Variants in HECW1 observed in about 807,000 individuals in gnomAD.
HECW1 encodes E3 ubiquitin-protein ligase HECW1.
A neutral mutation model predicts 182.3 loss-of-function variants in HECW1; 61 were observed. The ratio of observed to expected loss-of-function variants is 0.33; its 90% CI spans 0.27 to 0.41. HECW1 has a LOEUF of 0.41. Ranked by LOEUF, HECW1 falls within the 10% of genes least tolerant of loss-of-function variation. The probability of loss-of-function intolerance (pLI) is 1.00; values close to 1 mark genes in which losing one functional copy is unlikely to be tolerated. For missense variants in HECW1, 1,739 were observed against 2,108.9 expected (o/e 0.82, Z 3.44); for synonymous variants, 859 against 832.6 (o/e 1.03, Z -0.55).
intron 2 of HECW1, among the ~76,000 whole-genome samples, chr7:43,167,820 T>C (rs1259019563): frequency 6.6e-6 from 1 of 152,176 alleles, no homozygotes; most frequent in African/African-American, 2.4e-5. Context: ...ACAGTACTAT[T>C]ATGATCACTC....
intron 6 of HECW1, among the ~76,000 whole-genome samples, chr7:43,362,474 G>A (rs527681195): frequency 2.6e-5 from 4 of 152,296 alleles, no homozygotes; most frequent in South Asian, 2.1e-4. Flanking sequence ...AGATTGGAAC[G>A]TGATTCCTGT....
intron 7 of HECW1, among the ~76,000 whole-genome samples, chr7:43,397,508 G>GA (rs2075269966): frequency 6.6e-6 from 1 of 152,230 alleles, no homozygotes; most frequent in African/African-American, 2.4e-5. Context: ...AGTACGAAAA[G>GA]AGAGTCAGCA....
chr7:43,202,504 C>T (rs1795096075), intron 2 of HECW1, among the ~76,000 whole-genome samples: 2 of 149,010 alleles, frequency 1.3e-5, no homozygotes, highest in South Asian at 4.2e-4. Context: ...AACAGAATCT[C>T]ACTCTATCCC....
intron 16 of HECW1, among the ~76,000 whole-genome samples, chr7:43,477,828 T>C (rs964696228): frequency 6.6e-6 from 1 of 152,202 alleles, no homozygotes; most frequent in African/African-American, 2.4e-5. Context: ...GCTCATACCT[T>C]CCAAGAATAA....
chr7:43,330,328 C>A (rs937582142), intron 5 of HECW1, among the ~76,000 whole-genome samples: 2 of 152,188 alleles, frequency 1.3e-5, no homozygotes, highest in Non-Finnish European at 2.9e-5. Flanking sequence ...GCTGGCAGGC[C>A]CAGAGTTTCC....
intron 5 of HECW1, among the ~76,000 whole-genome samples, chr7:43,336,457 C>G (rs534126702): frequency 6.6e-6 from 1 of 152,020 alleles, no homozygotes. Context: ...TGTGAGCCAC[C>G]ACTCCCAGCC....
Position 43,445,410 on chromosome 7 carries a change from C to T in HECW1, c.2238C>T (p.Phe746=), listed in dbSNP as rs765972904. Residue 746 remains phenylalanine, a synonymous_variant, in exon 11 of 30, where the codon TTC becomes TTT. Transcript: ENST00000395891. ...QDDEEEENSA[F]ESVPDSMQSP... is the part of the protein sequence containing the mutation. ...ACGAGGAGGAGGAGAACAGCGCGTTCGAGTCGGTACCCGACTCCATGCAGA... is the reference window on the plus strand; with the variant it reads ...ACGAGGAGGAGGAGAACAGCGCGTTTGAGTCGGTACCCGACTCCATGCAGA... 6 of 1,613,486 alleles carry T rather than the reference C, an allele frequency of 3.7e-6. No individual in the cohort carries two copies. The highest frequency in any genetic ancestry group is 3.3e-5 in the South Asian group (3 of 91,076).
chr7:43,145,045 A>G (rs768757789), intron 2 of HECW1, among the ~76,000 whole-genome samples: 23 of 152,318 alleles, frequency 1.5e-4, no homozygotes, highest in Non-Finnish European at 2.9e-4. Context: ...CTTTAAATAT[A>G]TGAGCTATAC....
intron 5 of HECW1, among the ~76,000 whole-genome samples, chr7:43,332,699 T>G (rs1811651213): frequency 6.6e-6 from 1 of 152,164 alleles, no homozygotes; most frequent in East Asian, 1.9e-4. Flanking sequence ...GTACATGGGC[T>G]GCAAGGTCCG....
chr7:43,369,462 C>CA (rs1039486311), intron 6 of HECW1, among the ~76,000 whole-genome samples: 45 of 151,096 alleles, frequency 3.0e-4, no homozygotes, highest in African/African-American at 9.2e-4. Context: ...AACTCCGTCT[C>CA]AAAAAAAATA....
chr7:43,336,141 TCTTTC>T (rs1812205219), intron 5 of HECW1, among the ~76,000 whole-genome samples: 2 of 64,582 alleles, frequency 3.1e-5, no homozygotes, highest in Non-Finnish European at 5.8e-5. Context: ...TCTCTCTCTC[TCTTTC>T]TCTCTCTCTC....
chr7:43,266,511 T>A (rs548098004), intron 3 of HECW1, among the ~76,000 whole-genome samples: 25 of 152,232 alleles, frequency 1.6e-4, no homozygotes, highest in African/African-American at 6.0e-4. Context: ...ATTTTTTGTA[T>A]TTTTAATAGA....
intron 16 of HECW1, among the ~76,000 whole-genome samples, chr7:43,473,963 T>A (rs186210765): frequency 1.3e-3 from 193 of 152,238 alleles, no homozygotes; most frequent in African/African-American, 4.4e-3. Flanking sequence ...GGTGGAAACA[T>A]GATAAACTTA....
chr7:43,487,964 A>AAGAG lies in HECW1; in HGVS notation c.3235-4095_3235-4092dup, dbSNP rs142459103. ...ACAGAGACTGTCTCAAAAAAAAAGG[A>AAGAG]AGAGAGAGAGAGAGAGAGAAAGAAA... On this transcript the variant is annotated intron_variant, in intron 17 of 29. Transcript: ENST00000395891. Among the ~76,000 whole-genome samples, 595 of 147,258 alleles carry AAGAG rather than the reference A, an allele frequency of 4.0e-3. 4 individuals are homozygous for AAGAG. The highest frequency in any genetic ancestry group is 0.033 in the East Asian group (162 of 4,902).
chr7:43,472,102 A>G (rs936498307), intron 16 of HECW1, among the ~76,000 whole-genome samples: 2 of 152,188 alleles, frequency 1.3e-5, no homozygotes, highest in African/African-American at 4.8e-5. Flanking sequence ...GCAAAAGGTA[A>G]TAATAGCATA....
At chr7:43,287,609 A>G (rs1247660212) in intron 3 of HECW1, among the ~76,000 whole-genome samples, 1 of 152,018 alleles carries the variant, frequency 6.6e-6, no homozygotes, top group African/African-American at 2.4e-5. Flanking sequence ...ATGTGCTGGG[A>G]TTACAGGCAT....
chr7:43,176,092 C>G (rs1315531084), intron 2 of HECW1, among the ~76,000 whole-genome samples: 1 of 152,172 alleles, frequency 6.6e-6, no homozygotes, highest in Non-Finnish European at 1.5e-5. Flanking sequence ...TTTCCTGATA[C>G]AGTAGACAGC....
Position 43,485,937 on chromosome 7 carries a change from C to T in HECW1, c.3235-6138C>T, listed in dbSNP as rs190283949. On this transcript the variant is annotated intron_variant, in intron 17 of 29. Transcript: ENST00000395891. Reference sequence around the variant, plus strand: ...GGTTTGTTACATTTGTATACATGTGCCATGTGGGTTTGCTGCACCCATTAA... The same window carrying T: ...GGTTTGTTACATTTGTATACATGTGTCATGTGGGTTTGCTGCACCCATTAA... Among the ~76,000 whole-genome samples, 519 of 152,186 alleles carry T rather than the reference C, an allele frequency of 3.4e-3. 7 individuals carry two copies. The highest frequency in any genetic ancestry group is 0.031 in the Admixed American group (473 of 15,286).
At chr7:43,400,605 A>G (rs536123922) in intron 7 of HECW1, among the ~76,000 whole-genome samples, 2 of 152,352 alleles carry the variant, frequency 1.3e-5, no homozygotes, top group African/African-American at 2.4e-5. Flanking sequence ...TGTACCCTCA[A>G]CAAAATAGAG....
Sources: allele counts gnomAD v4.1 joint callset (sites outside exome capture counted in the v4.1 genomes callset), GRCh38; gene constraint gnomAD v4.1.1; transcripts MANE v1.5; gene names NCBI Gene and HGNC (gene_info 2026-07-23, HGNC 2026-07-21).